Variants in CTNNA3 observed in about 807,000 individuals in gnomAD.
The protein encoded by CTNNA3 is catenin alpha-3.
In CTNNA3, 76 loss-of-function variants were observed where a neutral mutation model predicts 95.7. The observed-to-expected ratio is 0.79, with a 90% CI of 0.66 to 0.96. The LOEUF (loss-of-function observed/expected upper bound fraction) is 0.96, where lower values mean the gene tolerates loss of function less well. CTNNA3 is among the 40% of genes least tolerant of loss of function. The pLI is 0.00. For missense variants in CTNNA3, 1,191 were observed against 1,089.8 expected (o/e 1.09, Z -1.31); for synonymous variants, 431 against 374.4 (o/e 1.15, Z -1.74).
intron 5 of CTNNA3, chr10:67,346,641 C>T (rs1842425890): frequency 6.2e-6 from 3 of 485,000 alleles, no homozygotes; most frequent in African/African-American, 3.9e-5. Context: ...GAGAGAGAAA[C>T]TTCTAGTTAT....
intron 5 of CTNNA3, among the ~76,000 whole-genome samples, chr10:67,268,969 C>CAG (rs1838836292): frequency 6.6e-6 from 1 of 152,076 alleles, no homozygotes; most frequent in Non-Finnish European, 1.5e-5. Flanking sequence ...GAACCGTGGT[C>CAG]ATTGGAAATA....
chr10:66,449,594 C>T (rs1363896247), intron 11 of CTNNA3, among the ~76,000 whole-genome samples: 1 of 151,766 alleles, frequency 6.6e-6, no homozygotes, highest in Non-Finnish European at 1.5e-5. Flanking sequence ...TTTTCAATTC[C>T]AGGAAAGGCT....
At chr10:66,184,407 T>C (rs1288775578) in intron 13 of CTNNA3, among the ~76,000 whole-genome samples, 2 of 152,232 alleles carry the variant, frequency 1.3e-5, no homozygotes, top group Non-Finnish European at 2.9e-5. Context: ...TCTCTGCCTC[T>C]GAGGTAATAT....
intron 7 of CTNNA3, among the ~76,000 whole-genome samples, chr10:66,988,714 A>T (rs1221020813): frequency 6.6e-6 from 1 of 152,144 alleles, no homozygotes; most frequent in East Asian, 1.9e-4. Flanking sequence ...GTCACCTCTG[A>T]ATACTAGGAA....
At position 66,115,559 on chromosome 10, in the gene CTNNA3, TAGATAGATAGAC is replaced by T. The variant is rs753626875; in HGVS notation, c.1885-12322_1885-12311del. Among the ~76,000 whole-genome samples the T allele has an allele frequency of 5.9e-3, 841 of 142,754 alleles. 7 individuals carry two copies. The highest frequency in any genetic ancestry group is 9.9e-3 in the Non-Finnish European group (638 of 64,696). 93.7% of individuals were successfully genotyped at this position (142,754 alleles called of 152,430 possible). A position where few individuals can be genotyped will look rare whatever the true frequency, so the allele number is the denominator to read the frequency against. On this transcript the variant is annotated intron_variant, in intron 13 of 17. Coordinates refer to ENST00000433211, the MANE Select transcript of CTNNA3 (RefSeq NM_013266.4). Reference sequence around the variant, plus strand: ...ATAGATAGATAGATAGATAGATAGATAGATAGATAGACAGATAGATGATAGATAGATAGAGAT... The same window carrying T: ...ATAGATAGATAGATAGATAGATAGATAGATAGATGATAGATAGATAGAGAT...
chr10:66,187,045 G>A (rs1589672844), intron 13 of CTNNA3, among the ~76,000 whole-genome samples: 1 of 152,136 alleles, frequency 6.6e-6, no homozygotes, highest in African/African-American at 2.4e-5. Context: ...AAAACCAGAA[G>A]TGTAGCAATG....
At chr10:67,237,922 C>A (rs1564503440) in intron 5 of CTNNA3, among the ~76,000 whole-genome samples, 1 of 152,066 alleles carries the variant, frequency 6.6e-6, no homozygotes, top group African/African-American at 2.4e-5. Context: ...TGCCTGAACA[C>A]TATTGCTAGG....
chr10:66,643,516 A>T (rs1051291396), intron 9 of CTNNA3, among the ~76,000 whole-genome samples: 1 of 152,318 alleles, frequency 6.6e-6, no homozygotes, highest in African/African-American at 2.4e-5. Flanking sequence ...TTTCTAGTAG[A>T]GTTAATATCA....
At chr10:66,572,369 G>A (rs1306556208) in intron 10 of CTNNA3, among the ~76,000 whole-genome samples, 1 of 133,434 alleles carries the variant, frequency 7.5e-6, no homozygotes, top group Non-Finnish European at 1.7e-5. Flanking sequence ...GTTGACAGAG[G>A]AGACTCTGTC....
At chr10:67,078,393 G>C (rs914425801) in intron 7 of CTNNA3, among the ~76,000 whole-genome samples, 22 of 152,072 alleles carry the variant, frequency 1.4e-4, no homozygotes, top group African/African-American at 5.3e-4. Context: ...AAATGAGAAA[G>C]AAAATGATCA....
At chr10:66,790,666 A>G (rs1840933447) in intron 7 of CTNNA3, among the ~76,000 whole-genome samples, 1 of 152,184 alleles carries the variant, frequency 6.6e-6, no homozygotes, top group Non-Finnish European at 1.5e-5. Context: ...ACTGGTAATT[A>G]TATTTTTGTG....
intron 2 of CTNNA3, among the ~76,000 whole-genome samples, chr10:67,637,781 G>C (rs1839373389): frequency 6.6e-6 from 1 of 152,128 alleles, no homozygotes; most frequent in Non-Finnish European, 1.5e-5. Flanking sequence ...ATAAGTGAAG[G>C]AGAAATAAAA....
At chr10:67,125,918 G>A (rs1300052435) in intron 7 of CTNNA3, among the ~76,000 whole-genome samples, 1 of 152,120 alleles carries the variant, frequency 6.6e-6, no homozygotes, top group Non-Finnish European at 1.5e-5. Flanking sequence ...AACTTACTGA[G>A]ACATAGTATA....
At chr10:67,647,657 C>T in intron 1 of CTNNA3, 139 bp from the exon 2 acceptor site, 1 of 592,422 alleles carries the variant, frequency 1.7e-6, no homozygotes, top group East Asian at 2.9e-5. Flanking sequence ...GAGGACCAGG[C>T]TACAAAATCT....
intron 5 of CTNNA3, among the ~76,000 whole-genome samples, chr10:67,492,255 G>C (rs375801359): frequency 4.9e-4 from 75 of 151,882 alleles, no homozygotes; most frequent in African/African-American, 1.8e-3. Flanking sequence ...GAAAAAAAAA[G>C]AAAATTAAGA....
At chr10:67,352,022 G>T (rs1842655199) in intron 5 of CTNNA3, among the ~76,000 whole-genome samples, 1 of 151,958 alleles carries the variant, frequency 6.6e-6, no homozygotes. Flanking sequence ...CACTGTGCTA[G>T]GCATTAGGTA....
rs183805189 is a variant in CTNNA3, at chr10:67,750,840, G to A, written c.-2+12594C>T. On this transcript the variant is annotated intron_variant, in intron 1 of 17. Coordinates refer to the CTNNA3 transcript ENST00000684154. ...ATAAACCAGTGACTAACCAGGTTGA[G>A]TGTCACCCATACCTCACACAGGAGA... is the stretch of plus-strand genomic sequence containing the variant. 1.5e-4 allele frequency: 248 copies of A among 1,610,960 alleles called. 2 individuals are homozygous for A. In the Admixed American group the frequency reaches 4.0e-3, roughly 26 times the overall value.
intron 5 of CTNNA3, among the ~76,000 whole-genome samples, chr10:67,325,218 G>A (rs1014528053): frequency 6.6e-6 from 1 of 151,608 alleles, no homozygotes; most frequent in South Asian, 2.1e-4. Context: ...ATGCTTTCTC[G>A]TGTCTCAATC....
At position 66,303,060 on chromosome 10, in the gene CTNNA3, T is replaced by C. The variant is rs566481696; in HGVS notation, c.1733-22439A>G. The stretch of plus-strand genomic sequence containing the variant: ...AGGAATAAAAGGGAACACCTTTAAT[T>C]TGACATAGCACATTCACAAAAATTT... On this transcript the variant is annotated intron_variant, in intron 12 of 17. Coordinates refer to ENST00000433211, the MANE Select transcript of CTNNA3 (RefSeq NM_013266.4). Among the ~76,000 whole-genome samples, 3 of 152,318 alleles carry C rather than the reference T, an allele frequency of 2.0e-5. No individual in the cohort carries two copies. The East Asian group carries it at 5.8e-4, about 29-fold the overall frequency.
Sources: gnomAD v4.1 joint callset for allele counts (sites outside exome capture counted in the v4.1 genomes callset) on GRCh38, gnomAD v4.1.1 for gene constraint, MANE v1.5 for transcripts, NCBI Gene and HGNC (gene_info 2026-07-23, HGNC 2026-07-21) for gene names.